The following RBFOX1 variants were observed in gnomAD, a reference collection of about 807,000 sequenced individuals.
RBFOX1 encodes RNA binding fox-1 homolog 1, also known as RNA binding protein fox-1 homolog 1.
A neutral mutation model predicts 57.7 loss-of-function variants in RBFOX1; 8 were observed. The ratio of observed to expected loss-of-function variants is 0.14; its 90% confidence interval spans 0.08 to 0.25. The LOEUF (loss-of-function observed/expected upper bound fraction) is 0.25. Among genes scored for constraint, RBFOX1 ranks in the 10% least tolerant of loss-of-function variants. The pLI is 1.00. For synonymous variants in RBFOX1, 326 were observed against 222.4 expected (o/e 1.47, Z -4.15); for missense variants, 611 against 548.5 (o/e 1.11, Z -1.14).
At chr16:6,864,669 A>C (rs1242942732) in intron 3 of RBFOX1, among the ~76,000 whole-genome samples, 1 of 152,074 alleles carries the variant, frequency 6.6e-6, no homozygotes, top group African/African-American at 2.4e-5. Context: ...GGAAAATTCC[A>C]AACTGGCTTT....
intron 1 of RBFOX1, among the ~76,000 whole-genome samples, chr16:6,306,646 C>T (rs1399278152): frequency 3.3e-5 from 5 of 152,138 alleles, no homozygotes; most frequent in East Asian, 3.9e-4. Flanking sequence ...ACTCACTGGC[C>T]GTTTCTACTT....
chr16:6,398,184 G>T (rs764875678), intron 2 of RBFOX1, among the ~76,000 whole-genome samples: 8 of 152,152 alleles, frequency 5.3e-5, no homozygotes, highest in Non-Finnish European at 1.2e-4. Flanking sequence ...CATGAGAACA[G>T]CATCAGGGTC....
chr16:7,525,643 C>A (rs7198520), intron 5 of RBFOX1, among the ~76,000 whole-genome samples: 7 of 152,028 alleles, frequency 4.6e-5, no homozygotes, highest in African/African-American at 1.7e-4. Flanking sequence ...TGGCTTTCCC[C>A]CTCTCTGACA....
At chr16:6,202,892 C>G (rs576830622) in intron 1 of RBFOX1, among the ~76,000 whole-genome samples, 1 of 152,110 alleles carries the variant, frequency 6.6e-6, no homozygotes, top group Admixed American at 6.6e-5. Flanking sequence ...CCTGCCTCAG[C>G]CTCCCAAGTA....
chr16:5,588,665 G>A (rs2046909748), intron 2 of RBFOX1, among the ~76,000 whole-genome samples: 1 of 152,136 alleles, frequency 6.6e-6, no homozygotes, highest in African/African-American at 2.4e-5. Context: ...AGACTTAGAG[G>A]GCTGGGAGGG....
intron 4 of RBFOX1, among the ~76,000 whole-genome samples, chr16:7,148,887 C>T (rs962927082): frequency 3.3e-5 from 5 of 152,264 alleles, no homozygotes; most frequent in East Asian, 3.9e-4. Context: ...TCCTTATGCT[C>T]GGAGATAGTC....
At chr16:6,255,153 G>A (rs1320593214) in intron 1 of RBFOX1, among the ~76,000 whole-genome samples, 1 of 152,096 alleles carries the variant, frequency 6.6e-6, no homozygotes, top group African/African-American at 2.4e-5. Flanking sequence ...TAGAAGGGTG[G>A]TGAGAACCTG....
At chr16:6,370,485 A>G (rs1038624128) in intron 2 of RBFOX1, among the ~76,000 whole-genome samples, 1 of 152,098 alleles carries the variant, frequency 6.6e-6, no homozygotes, top group African/African-American at 2.4e-5. Flanking sequence ...TTCAGCTGCT[A>G]CAAAAAAGCA....
In RBFOX1 at chr16:6,112,015, T is replaced by C. The variant is rs117921827; in HGVS notation, c.-127+92023T>C. On this transcript the variant is annotated intron_variant, in intron 1 of 15. Transcript: ENST00000550418. ...ATCTGTCTCATTTTCCATTTAGTGA[T>C]CTGATAAAAAAAAAGTAGGTGATGT... is the stretch of plus-strand genomic sequence containing the variant. Among the ~76,000 whole-genome samples, 1,288 of 150,406 alleles carry C rather than the reference T, an allele frequency of 8.6e-3. 8 individuals carry two copies. Among genetic ancestry groups the C allele is most frequent in the Non-Finnish European group, 0.014 (966 of 67,158 alleles).
intron 4 of RBFOX1, among the ~76,000 whole-genome samples, chr16:7,183,207 G>A (rs1212177519): frequency 2.6e-5 from 4 of 152,182 alleles, no homozygotes; most frequent in Admixed American, 6.5e-5. Flanking sequence ...CTGGCTGCCT[G>A]TGTCTGAAGG....
chr16:6,554,834 ACT>A (rs1360006586), intron 2 of RBFOX1, among the ~76,000 whole-genome samples: 4 of 149,044 alleles, frequency 2.7e-5, no homozygotes, highest in Non-Finnish European at 5.9e-5. Flanking sequence ...ACACACACAG[ACT>A]CTCCCTCTCA....
intron 1 of RBFOX1, among the ~76,000 whole-genome samples, chr16:5,403,675 A>G (rs946714659): frequency 1.3e-5 from 2 of 152,006 alleles, no homozygotes; most frequent in African/African-American, 4.8e-5. Flanking sequence ...CGAGTTCCTG[A>G]CTTCAGTTGA....
At chr16:7,545,888 T>C (rs115565469) in intron 5 of RBFOX1, among the ~76,000 whole-genome samples, 2,946 of 152,052 alleles carry the variant, frequency 0.019, 100 homozygotes, top group African/African-American at 0.067. Context: ...GGAATGCTGG[T>C]CCTGCCTACC....
chr16:7,503,959 A>G (rs1195274275), intron 4 of RBFOX1, among the ~76,000 whole-genome samples: 1 of 152,192 alleles, frequency 6.6e-6, no homozygotes, highest in Non-Finnish European at 1.5e-5. Flanking sequence ...ACTGTGTATT[A>G]TAGTTATGCA....
At chr16:7,294,034 G>T (rs2095844668) in intron 4 of RBFOX1, among the ~76,000 whole-genome samples, 1 of 152,146 alleles carries the variant, frequency 6.6e-6, no homozygotes, top group Admixed American at 6.5e-5. Context: ...TGGGGTCAAA[G>T]AACCTTGCAG....
chr16:6,720,368 A>G (rs56734055), intron 3 of RBFOX1, among the ~76,000 whole-genome samples: 98 of 152,266 alleles, frequency 6.4e-4, no homozygotes, highest in African/African-American at 2.3e-3. Flanking sequence ...CTTCCTAGCC[A>G]TGCTACCTTT....
intron 4 of RBFOX1, among the ~76,000 whole-genome samples, chr16:7,459,909 T>G (rs1054665756): frequency 6.6e-6 from 1 of 152,192 alleles, no homozygotes; most frequent in African/African-American, 2.4e-5. Flanking sequence ...ACTGACAACT[T>G]GTTAAAGACA....
At chr16:6,113,141 G>C (rs946445733) in intron 1 of RBFOX1, among the ~76,000 whole-genome samples, 4 of 152,210 alleles carry the variant, frequency 2.6e-5, no homozygotes, top group African/African-American at 9.6e-5. Context: ...TAGACTCCAA[G>C]ATGCAAGTTG....
At chr16:7,614,599 G>A (rs1481242068) in intron 10 of RBFOX1, 1 of 152,192 alleles carries the variant, frequency 6.6e-6, no homozygotes, top group African/African-American at 2.4e-5. Flanking sequence ...AGCAGGGGGT[G>A]TCAAGGTAGT....
Sources: gnomAD v4.1 joint callset for allele counts (sites outside exome capture counted in the v4.1 genomes callset) on GRCh38, gnomAD v4.1.1 for gene constraint, MANE v1.5 for transcripts, NCBI Gene and HGNC (gene_info 2026-07-23, HGNC 2026-07-21) for gene names.